DNM3: variants seen among roughly 807,000 people sequenced by gnomAD.
DNM3 encodes the protein dynamin-3.
A neutral mutation model predicts 101.6 loss-of-function variants in DNM3; 47 were observed. The ratio of observed to expected loss-of-function variants is 0.46; its 90% CI spans 0.37 to 0.59. DNM3 has a LOEUF of 0.59. DNM3 is among the 20% of genes least tolerant of loss of function. The pLI is 0.00. For missense variants in DNM3, 849 were observed against 1,085.7 expected (o/e 0.78, Z 3.06); for synonymous variants, 385 against 387.9 (o/e 0.99, Z 0.09).
At chr1:171,902,299 T>TA (rs953536555) in intron 1 of DNM3, among the ~76,000 whole-genome samples, 3 of 152,380 alleles carry the variant, frequency 2.0e-5, no homozygotes, top group African/African-American at 7.2e-5. Flanking sequence ...AAGAAATAAG[T>TA]ATTTTAATTG....
intron 12 of DNM3, among the ~76,000 whole-genome samples, chr1:172,091,901 C>T (rs2147814402): frequency 6.6e-6 from 1 of 151,928 alleles, no homozygotes; most frequent in Non-Finnish European, 1.5e-5. Flanking sequence ...CAAGGTGGGA[C>T]CAATGGAAGT....
rs114843381 is a variant in DNM3, at chr1:172,185,615, A to G, written c.1659+54327A>G. 3.1e-3 allele frequency among the ~76,000 whole-genome samples: 467 copies of G among 152,238 alleles called. 3 individuals carry two copies. Among genetic ancestry groups the G allele is most frequent in the Non-Finnish European group, 4.3e-3 (294 of 68,016 alleles). On this transcript the variant is annotated intron_variant, in intron 14 of 20. Transcript: ENST00000627582. Reference sequence around the variant, plus strand: ...AATTATATAGCAACCTGGCCTAAACAGAAGATTTTTAATGTGTTTGTGCAC... The same window carrying G: ...AATTATATAGCAACCTGGCCTAAACGGAAGATTTTTAATGTGTTTGTGCAC...
intron 2 of DNM3, among the ~76,000 whole-genome samples, chr1:171,941,070 A>T (rs1310616060): frequency 6.6e-6 from 1 of 152,160 alleles, no homozygotes; most frequent in Non-Finnish European, 1.5e-5. Context: ...AGTATTCATT[A>T]AAAAAACTCA....
chr1:171,936,505 C>T (rs1185361259), intron 2 of DNM3, among the ~76,000 whole-genome samples: 1 of 152,060 alleles, frequency 6.6e-6, no homozygotes, highest in East Asian at 1.9e-4. Context: ...TGCTTTATTT[C>T]AATGACATTA....
chr1:171,931,693 T>C (rs2041018035), intron 2 of DNM3, among the ~76,000 whole-genome samples: 1 of 152,206 alleles, frequency 6.6e-6, no homozygotes, highest in Non-Finnish European at 1.5e-5. Flanking sequence ...CTACCATCTA[T>C]TTCTGAATAT....
At chr1:172,388,232 T>G (rs1175660072) in intron 19 of DNM3, among the ~76,000 whole-genome samples, 1 of 150,192 alleles carries the variant, frequency 6.7e-6, no homozygotes, top group Admixed American at 6.6e-5. Context: ...AGACTCCGCC[T>G]CAAAGAAAAA....
intron 1 of DNM3, among the ~76,000 whole-genome samples, chr1:171,850,661 T>C (rs1370043449): frequency 2.0e-5 from 3 of 152,198 alleles, no homozygotes; most frequent in African/African-American, 7.2e-5. Flanking sequence ...CTTAAGAAAC[T>C]TTAGCCTGTT....
At chr1:172,063,860 GC>G (rs2051445798) in intron 10 of DNM3, among the ~76,000 whole-genome samples, 1 of 151,328 alleles carries the variant, frequency 6.6e-6, no homozygotes. Context: ...TAAATGTATA[GC>G]TTTGACTGCA....
chr1:172,369,697 A>G (rs943868499), intron 17 of DNM3, among the ~76,000 whole-genome samples: 6 of 151,980 alleles, frequency 3.9e-5, no homozygotes, highest in African/African-American at 1.4e-4. Context: ...TTAGATTTCC[A>G]ATACTTTCTA....
Position 172,393,781 on chromosome 1 carries a change from G to C in DNM3, c.2522+4972G>C, listed in dbSNP as rs72723287. The C allele has an allele frequency of 1.1e-3, 166 of 152,626 alleles. 2 individuals carry two copies. The highest frequency in any genetic ancestry group is 1.9e-3 in the Non-Finnish European group (130 of 68,002). 9.5% of individuals were successfully genotyped at this position (152,626 alleles called of 1,614,324 possible). On this transcript the variant is annotated intron_variant, in intron 20 of 20. Transcript: ENST00000627582. ...TTTCATGGAACAGTTTTTATTTTTA[G>C]CAACTGGCTTTCAAAGCAAGGAAAG...
intron 4 of DNM3, among the ~76,000 whole-genome samples, chr1:172,014,960 A>G (rs2047355687): frequency 6.6e-6 from 1 of 151,904 alleles, no homozygotes; most frequent in African/African-American, 2.4e-5. Flanking sequence ...TTTTATTAGG[A>G]GTGTGAGGTT....
chr1:172,252,654 T>C (rs2062221770), intron 14 of DNM3, among the ~76,000 whole-genome samples: 1 of 152,112 alleles, frequency 6.6e-6, no homozygotes, highest in African/African-American at 2.4e-5. Context: ...ATACCCCTGG[T>C]AATAGGTATT....
At chr1:171,974,294 G>A (rs986187082) in intron 2 of DNM3, among the ~76,000 whole-genome samples, 15 of 152,038 alleles carry the variant, frequency 9.9e-5, no homozygotes, top group Non-Finnish European at 1.6e-4. Flanking sequence ...TTCATATTAA[G>A]GACCCTCTAA....
rs116155888 is a variant in DNM3 at position 172,285,220 on chromosome 1, C to A, written c.1770-23508C>A. On this transcript the variant is annotated intron_variant, in intron 15 of 20. Coordinates refer to ENST00000627582, the MANE Select transcript of DNM3 (RefSeq NM_015569.5). ...TTTTTCTTTGAAGAGTCGGTTATAT[C>A]CATTATTTTAAAAACTGTCAGTTCA... Among the ~76,000 whole-genome samples, 1,016 of 152,160 alleles carry A rather than the reference C, an allele frequency of 6.7e-3. 11 individuals carry two copies. Among genetic ancestry groups the A allele is most frequent in the African/African-American group, 0.023 (939 of 41,524 alleles).
intron 4 of DNM3, among the ~76,000 whole-genome samples, chr1:172,017,818 T>C (rs1031914213): frequency 6.6e-6 from 1 of 152,196 alleles, no homozygotes; most frequent in Admixed American, 6.5e-5. Flanking sequence ...GTAACTGTAA[T>C]AGTGGATCCA....
At chr1:172,132,730 CAT>C (rs569336880) in intron 14 of DNM3, among the ~76,000 whole-genome samples, 37 of 152,178 alleles carry the variant, frequency 2.4e-4, no homozygotes, top group Non-Finnish European at 4.3e-4. Context: ...ACTAAGGAAT[CAT>C]AACAGTGATG....
chr1:171,987,459 G>A (rs1408367303), intron 2 of DNM3, among the ~76,000 whole-genome samples, 197 bp from the exon 3 acceptor site: 1 of 152,110 alleles, frequency 6.6e-6, no homozygotes, highest in Non-Finnish European at 1.5e-5. Flanking sequence ...GGCAAATTTA[G>A]CATCTATAGC....
chr1:172,380,871 C>T (rs1037709140), intron 18 of DNM3: 1 of 151,088 alleles, frequency 6.6e-6, no homozygotes, highest in African/African-American at 2.4e-5. Flanking sequence ...ATTAGTGCTG[C>T]CATCAGTTCA....
chr1:172,040,222 A>G (rs1421775904), intron 7 of DNM3, among the ~76,000 whole-genome samples: 5 of 152,164 alleles, frequency 3.3e-5, no homozygotes, highest in African/African-American at 2.4e-5. Flanking sequence ...TGTGTATGTC[A>G]TACCTCTCCA....
Sources: allele counts gnomAD v4.1 joint callset (sites outside exome capture counted in the v4.1 genomes callset), GRCh38; gene constraint gnomAD v4.1.1; transcripts MANE v1.5; gene names NCBI Gene and HGNC (gene_info 2026-07-23, HGNC 2026-07-21).